The following BLK variants were observed in gnomAD, a reference collection of about 807,000 sequenced individuals.
BLK encodes BLK proto-oncogene, Src family tyrosine kinase.
A neutral mutation model predicts 61.8 loss-of-function variants in BLK; 64 were observed. That is an observed-to-expected ratio of 1.03 (90% CI 0.85 to 1.27). The LOEUF (loss-of-function observed/expected upper bound fraction) is 1.27, where lower values mean the gene tolerates loss of function less well. BLK is among the 50% of genes most tolerant of loss of function. BLK has a pLI of 0.00. For synonymous variants in BLK, 351 were observed against 272.0 expected, an observed-to-expected ratio of 1.29 and a Z score of -2.86; for missense variants, 853 against 660.5, an observed-to-expected ratio of 1.29 and a Z score of -3.19.
At chr8:11,517,851 T>TG (rs1563433037) in intron 1 of BLK, among the ~76,000 whole-genome samples, 1 of 152,128 alleles carries the variant, frequency 6.6e-6, no homozygotes, top group Non-Finnish European at 1.5e-5. Context: ...TGAACCTGAG[T>TG]CAAGGGTCAC....
At chr8:11,516,140 G>A (rs943253317) in intron 1 of BLK, among the ~76,000 whole-genome samples, 4 of 152,208 alleles carry the variant, frequency 2.6e-5, no homozygotes, top group Admixed American at 6.5e-5. Context: ...AAGACATGAC[G>A]CTAAGAGGAG....
At chr8:11,544,898 C>A (rs866149395) in intron 2 of BLK, among the ~76,000 whole-genome samples, 1 of 152,222 alleles carries the variant, frequency 6.6e-6, no homozygotes, top group Non-Finnish European at 1.5e-5. Context: ...CACCTCCCAA[C>A]TTCAGACAAG....
intron 1 of BLK, among the ~76,000 whole-genome samples, chr8:11,510,589 A>G (rs926880280): frequency 6.6e-6 from 1 of 152,086 alleles, no homozygotes; most frequent in Non-Finnish European, 1.5e-5. Context: ...GTGGCCCCAA[A>G]AATGTTTTTT....
chr8:11,508,528 C>T, intron 1 of BLK, among the ~76,000 whole-genome samples: 1 of 152,092 alleles, frequency 6.6e-6, no homozygotes, highest in East Asian at 1.9e-4. Context: ...TAGCTCCAGC[C>T]CCCACCCGTG....
intron 6 of BLK, 134 bp from the exon 7 acceptor site, chr8:11,554,608 CT>C: frequency 9.2e-7 from 1 of 1,085,914 alleles, no homozygotes; most frequent in Non-Finnish European, 1.4e-6. Flanking sequence ...GGAAAGGAAA[CT>C]TGTGGAGGGA....
chr8:11,498,271 C>A (rs1798429114), intron 1 of BLK, among the ~76,000 whole-genome samples: 1 of 152,116 alleles, frequency 6.6e-6, no homozygotes, highest in African/African-American at 2.4e-5. Context: ...CGCACAATGC[C>A]ATGTGGTGTC....
intron 1 of BLK, among the ~76,000 whole-genome samples, chr8:11,531,890 G>A (rs774164107): frequency 1.3e-5 from 2 of 152,102 alleles, no homozygotes; most frequent in South Asian, 2.1e-4. Flanking sequence ...ACAGAGTCTC[G>A]CCCTGTTGCC....
intron 1 of BLK, among the ~76,000 whole-genome samples, chr8:11,542,015 G>A (rs73663158): frequency 0.036 from 5,469 of 152,138 alleles, 233 homozygotes; most frequent in African/African-American, 0.1. Context: ...TGAATTTTTC[G>A]CTTCTGTGGC....
intron 11 of BLK, 80 bp from the exon 12 acceptor site, chr8:11,562,899 A>G: frequency 1.3e-6 from 2 of 1,592,846 alleles, no homozygotes; most frequent in Non-Finnish European, 1.7e-6. Context: ...GAAGGACAGC[A>G]GGAGCAGGGG....
intron 1 of BLK, among the ~76,000 whole-genome samples, chr8:11,511,921 G>A (rs1156385361): frequency 1.3e-5 from 2 of 152,162 alleles, no homozygotes; most frequent in African/African-American, 4.8e-5. Context: ...TCTGGCAGTG[G>A]ATGCTGTCGG....
chr8:11,504,270 C>G (rs1379797420), intron 1 of BLK, among the ~76,000 whole-genome samples: 2 of 151,454 alleles, frequency 1.3e-5, no homozygotes, highest in African/African-American at 4.9e-5. Flanking sequence ...TTGCAGTGAG[C>G]TGAGATCGCA....
chr8:11,561,884 T>A (rs1412293883), intron 11 of BLK, among the ~76,000 whole-genome samples: 1 of 151,418 alleles, frequency 6.6e-6, no homozygotes, highest in Non-Finnish European at 1.5e-5. Flanking sequence ...AGTGGCACAA[T>A]CTTGGCTCAC....
chr8:11,514,487 A>C (rs1053070464), intron 1 of BLK, among the ~76,000 whole-genome samples: 1 of 152,228 alleles, frequency 6.6e-6, no homozygotes. Context: ...GTAAGAGCAC[A>C]GTGGAGGACC....
intron 1 of BLK, among the ~76,000 whole-genome samples, chr8:11,504,367 G>GGAAGGAAGGAAGAAAGAAAAGAAAAGA (rs1554540059): frequency 1.8e-4 from 7 of 39,380 alleles, no homozygotes; most frequent in South Asian, 1.2e-3. Flanking sequence ...AAGGAAGGAA[G>GGAAGGAAGGAAGAAAGAAAAGAAAAGA]AAAGAAAAGA....
At chr8:11,494,706 G>C (rs902454070) in intron 1 of BLK, 115 bp downstream of exon 1, 15 of 152,260 alleles carry the variant, frequency 9.9e-5, no homozygotes, top group African/African-American at 3.6e-4. Flanking sequence ...TGCCACAGAC[G>C]GAGGAAGAGG....
intron 2 of BLK, among the ~76,000 whole-genome samples, chr8:11,545,311 G>A (rs186387024): frequency 5.3e-5 from 8 of 152,322 alleles, no homozygotes; most frequent in African/African-American, 1.7e-4. Flanking sequence ...CACTTTGGGA[G>A]GCCGAGGTGG....
chr8:11,556,710 C>G lies in BLK; in HGVS notation c.825C>G (p.Thr275=). 6.2e-7 allele frequency: 1 copy of G among 1,614,188 alleles called. No homozygotes were observed. Among genetic ancestry groups the G allele is most frequent in the Non-Finnish European group, 8.5e-7 (1 of 1,180,034 alleles). ...KVAIKTLKEG[T]MSPEAFLGEA... is the part of the protein sequence containing the mutation. ...CCATTAAGACGCTGAAGGAGGGAACCATGTCTCCAGAAGCCTTTCTGGGTG... is the reference window on the plus strand; with the variant it reads ...CCATTAAGACGCTGAAGGAGGGAACGATGTCTCCAGAAGCCTTTCTGGGTG... Residue 275 remains threonine (T), a synonymous_variant, in exon 9 of 13, where the codon ACC becomes ACG. Coordinates refer to ENST00000259089, the MANE Select transcript of BLK (RefSeq NM_001715.3).
At chr8:11,497,596 C>T (rs1373250227) in intron 1 of BLK, among the ~76,000 whole-genome samples, 1 of 152,180 alleles carries the variant, frequency 6.6e-6, no homozygotes, top group Non-Finnish European at 1.5e-5. Flanking sequence ...CAGTGCCTGG[C>T]CCACCAGGGG....
chr8:11,522,305 A>G (rs1021263252), intron 1 of BLK, among the ~76,000 whole-genome samples: 5 of 152,348 alleles, frequency 3.3e-5, no homozygotes, highest in Admixed American at 2.6e-4. Flanking sequence ...ACAAATTAAA[A>G]CAAAAAGATT....
Sources: allele counts gnomAD v4.1 joint callset (sites outside exome capture counted in the v4.1 genomes callset), GRCh38; gene constraint gnomAD v4.1.1; transcripts MANE v1.5; gene names NCBI Gene and HGNC (gene_info 2026-07-23, HGNC 2026-07-21).